The following REEP3 variants were observed in gnomAD, a reference collection of about 807,000 sequenced individuals.
REEP3 encodes the protein receptor accessory protein 3, also known as receptor expression-enhancing protein 3.
Under a neutral mutation model 41.3 loss-of-function variants are expected in REEP3, and 20 were observed. The ratio of observed to expected loss-of-function variants is 0.48; its 90% CI spans 0.34 to 0.70. The LOEUF (loss-of-function observed/expected upper bound fraction) is 0.70, where lower values mean the gene tolerates loss of function less well. REEP3 is among the 30% of genes least tolerant of loss of function. The pLI is 0.01. For missense variants in REEP3, 271 were observed against 308.8 expected (o/e 0.88, Z 0.92); for synonymous variants, 104 against 101.8 (o/e 1.02, Z -0.13).
intron 1 of REEP3, among the ~76,000 whole-genome samples, chr10:63,560,414 AAT>A (rs1955729769): frequency 6.6e-6 from 1 of 152,324 alleles, no homozygotes; most frequent in South Asian, 2.1e-4. Flanking sequence ...ATTGTGTCTG[AAT>A]ATCTGTCTAG....
intron 1 of REEP3, among the ~76,000 whole-genome samples, chr10:63,553,366 T>C (rs1955647454): frequency 6.6e-6 from 1 of 152,204 alleles, no homozygotes; most frequent in African/African-American, 2.4e-5. Context: ...TAAAAAGCGA[T>C]AGCAAGTTCA....
intron 1 of REEP3, among the ~76,000 whole-genome samples, chr10:63,562,140 G>A (rs944538474): frequency 2.0e-5 from 3 of 151,986 alleles, no homozygotes; most frequent in Admixed American, 6.6e-5. Context: ...GGGGTGCTAA[G>A]TTAAATTGAA....
intron 1 of REEP3, among the ~76,000 whole-genome samples, chr10:63,537,880 C>T (rs1955489604): frequency 6.6e-6 from 1 of 151,986 alleles, no homozygotes; most frequent in Non-Finnish European, 1.5e-5. Flanking sequence ...GAAGAATGTC[C>T]AATTTCTTAT....
At chr10:63,548,908 A>C (rs930899424) in intron 1 of REEP3, among the ~76,000 whole-genome samples, 3 of 152,212 alleles carry the variant, frequency 2.0e-5, no homozygotes, top group African/African-American at 7.2e-5. Context: ...CTACTGTTAC[A>C]TGTAAGTTCT....
chr10:63,616,433 A>G (rs1956312960), intron 6 of REEP3, among the ~76,000 whole-genome samples: 1 of 152,238 alleles, frequency 6.6e-6, no homozygotes, highest in African/African-American at 2.4e-5. Flanking sequence ...TTGTATCCTC[A>G]TAATTCAGCA....
In REEP3 at chr10:63,524,850, G is replaced by A. The variant is rs115738314; in HGVS notation, c.32+3273G>A. 9.3e-3 allele frequency among the ~76,000 whole-genome samples: 1,418 copies of A among 151,994 alleles called. 25 individuals carry two copies. The highest frequency in any genetic ancestry group is 0.032 in the African/African-American group (1,339 of 41,446). ...ATTATAATAAATACCACATGAAACC[G>A]TTGTAAAGAAAATTAGCCGGGCGTG... On this transcript the variant is annotated intron_variant, in intron 1 of 7. Transcript: ENST00000373758.
chr10:63,553,195 C>T (rs925623379), intron 1 of REEP3, among the ~76,000 whole-genome samples: 5 of 151,938 alleles, frequency 3.3e-5, no homozygotes, highest in South Asian at 4.2e-4. Context: ...ACATGAAGAG[C>T]GAGATTGTTC....
intron 2 of REEP3, among the ~76,000 whole-genome samples, chr10:63,593,681 G>T (rs1956086640): frequency 6.6e-6 from 1 of 152,134 alleles, no homozygotes; most frequent in Non-Finnish European, 1.5e-5. Context: ...TGAGGTCGAT[G>T]AAAAAATATA....
At chr10:63,555,274 T>C (rs975233262) in intron 1 of REEP3, among the ~76,000 whole-genome samples, 1 of 152,210 alleles carries the variant, frequency 6.6e-6, no homozygotes, top group Non-Finnish European at 1.5e-5. Context: ...CCCATGGGTT[T>C]GACTCTTTCT....
chr10:63,558,696 T>G (rs1589866441), intron 1 of REEP3, among the ~76,000 whole-genome samples: 1 of 152,128 alleles, frequency 6.6e-6, no homozygotes, highest in East Asian at 1.9e-4. Flanking sequence ...TGAGCCAAGA[T>G]CATGCCACTG....
At chr10:63,616,514 A>C (rs954409388) in intron 6 of REEP3, among the ~76,000 whole-genome samples, 4 of 152,326 alleles carry the variant, frequency 2.6e-5, no homozygotes, top group Middle Eastern at 3.4e-3. Flanking sequence ...CTTTTCCTGA[A>C]GCTATAATTA....
In REEP3 at chr10:63,565,266, T is replaced by A. The variant is rs774746284; in HGVS notation, c.33-1072T>A. On this transcript the variant is annotated intron_variant, in intron 1 of 7. Coordinates refer to ENST00000373758, the MANE Select transcript of REEP3 (RefSeq NM_001001330.3). ...CAGAGCAACACTCCATGTCAATCAA[T>A]TGGTCAATCAATAAATAAAAATACT... Among the ~76,000 whole-genome samples the A allele has an allele frequency of 9.2e-5, 14 of 152,162 alleles. 1 individual carries two copies. The highest frequency in any genetic ancestry group is 1.6e-4 in the Non-Finnish European group (11 of 68,016).
intron 3 of REEP3, 90 bp from the exon 4 acceptor site, chr10:63,597,934 A>T: frequency 8.9e-7 from 1 of 1,127,470 alleles, no homozygotes; most frequent in Non-Finnish European, 1.2e-6. Context: ...AAAACAGCAT[A>T]GTGACTGAAC....
rs937916100 is a variant in REEP3, at chr10:63,581,330, C to T, written c.106-13448C>T. ...CATAAAATAAAATCACTCTCCAAAA[C>T]GTCATAACTTTAAAAGCACCCAAAA... On this transcript the variant is annotated intron_variant, in intron 2 of 7. Transcript: ENST00000373758. Among the ~76,000 whole-genome samples the T allele has an allele frequency of 3.9e-5, 6 of 152,042 alleles. No homozygotes were observed. In the South Asian group the frequency reaches 6.3e-4, roughly 16 times the overall value.
In REEP3 at chr10:63,623,687, T is replaced by C. The variant is rs1956372525; in HGVS notation, c.*2818T>C. ...AGGAGCCAGAAATAAGCCTTATTGCTAAATAATTAATTATGTAAGCCCACC... is the reference window on the plus strand; with the variant it reads ...AGGAGCCAGAAATAAGCCTTATTGCCAAATAATTAATTATGTAAGCCCACC... On this transcript the variant is annotated 3_prime_UTR_variant, in exon 8 of 8. Transcript: ENST00000373758. The C allele has an allele frequency of 6.6e-6, 1 of 152,280 alleles. No individual in the cohort carries two copies. The highest frequency in any genetic ancestry group is 2.4e-5 in the African/African-American group (1 of 41,400). The allele number at this position is 152,280 out of a possible 1,614,324, so 9.4% of individuals were successfully genotyped here. A position where few individuals can be genotyped will look rare whatever the true frequency, so the allele number is the denominator to read the frequency against.
chr10:63,568,239 T>A (rs1003008387), intron 2 of REEP3, among the ~76,000 whole-genome samples: 2 of 152,106 alleles, frequency 1.3e-5, no homozygotes, highest in Non-Finnish European at 2.9e-5. Context: ...ACTTTTGTTT[T>A]TCGAGTAAGT....
intron 1 of REEP3, among the ~76,000 whole-genome samples, chr10:63,539,538 G>T (rs2133349126): frequency 6.6e-6 from 1 of 152,114 alleles, no homozygotes; most frequent in East Asian, 1.9e-4. Context: ...TGTACCTATG[G>T]TCACAGCTAC....
Position 63,619,677 on chromosome 10 carries a change from C to T in REEP3, c.588C>T (p.Asp196=), listed in dbSNP as rs769605338. 18 of 1,603,120 alleles carry T rather than the reference C, an allele frequency of 1.1e-5. No homozygotes were observed. Among genetic ancestry groups the T allele is most frequent in the East Asian group, 4.5e-5 (2 of 44,676 alleles). The change falls in exon 7 of 8, where the codon GAC becomes GAT. Residue 196 remains aspartate, a synonymous_variant. Transcript: ENST00000373758. ...TAGGTTATGGAATTCCACTGAAAGA[C>T]GGAGATGAGAAAACAGATGAAGAAG... The part of the protein sequence containing the change: ...ESAGYGIPLK[D]GDEKTDEEAE...
chr10:63,578,123 G>A (rs559171445), intron 2 of REEP3, among the ~76,000 whole-genome samples: 12 of 152,108 alleles, frequency 7.9e-5, no homozygotes, highest in South Asian at 6.2e-4. Flanking sequence ...ATTTAAAGTC[G>A]GAGTCTTGCT....
Sources: allele counts gnomAD v4.1 joint callset (sites outside exome capture counted in the v4.1 genomes callset), GRCh38; gene constraint gnomAD v4.1.1; transcripts MANE v1.5; gene names NCBI Gene and HGNC (gene_info 2026-07-23, HGNC 2026-07-21).